The following CHRM5 variants were observed in gnomAD, a reference collection of about 807,000 sequenced individuals.
CHRM5 encodes the protein muscarinic acetylcholine receptor M5.
CHRM5 carries 18 observed loss-of-function variants against 39.0 expected under a neutral mutation model. The observed-to-expected ratio is 0.46, with a 90% CI of 0.32 to 0.68. The LOEUF (loss-of-function observed/expected upper bound fraction) is 0.68. Ranked by LOEUF, CHRM5 falls within the 30% of genes least tolerant of loss-of-function variation. CHRM5 has a pLI of 0.04. For synonymous variants in CHRM5, 241 were observed against 246.3 expected (o/e 0.98, Z 0.20); for missense variants, 515 against 651.1 (o/e 0.79, Z 2.28).
chr15:33,985,683 A>T (rs115834201), intron 1 of CHRM5, among the ~76,000 whole-genome samples: 118 of 152,190 alleles, frequency 7.8e-4, no homozygotes, highest in African/African-American at 2.8e-3. Flanking sequence ...GACATGATGC[A>T]TGATACACCT....
Position 33,968,811 on chromosome 15 carries a change from T to C in CHRM5, c.-747T>C, listed in dbSNP as rs548644772. 5.3e-5 allele frequency: 8 copies of C among 152,220 alleles called. 1 individual carries two copies. Among genetic ancestry groups the C allele is most frequent in the African/African-American group, 1.9e-4 (8 of 41,560 alleles). 9.4% of individuals were successfully genotyped at this position (152,220 alleles called of 1,614,324 possible). A position where few individuals can be genotyped will look rare whatever the true frequency, so the allele number is the denominator to read the frequency against. On this transcript the variant is annotated 5_prime_UTR_variant, in exon 1 of 3. Transcript: ENST00000383263. ...ACTTTTCCAGGGGGTCAAATGCATA[T>C]AGGAACAACCAGGATTTCTCATTGC...
chr15:34,038,890 G>A (rs1329664096), intron 1 of CHRM5: 6 of 1,134,562 alleles, frequency 5.3e-6, no homozygotes, highest in Non-Finnish European at 6.4e-6. Flanking sequence ...CCACGGCCAC[G>A]GCCCCGGCGT....
chr15:34,010,273 C>G (rs1180832587), intron 1 of CHRM5, among the ~76,000 whole-genome samples: 1 of 152,114 alleles, frequency 6.6e-6, no homozygotes, highest in Non-Finnish European at 1.5e-5. Context: ...CACCTATGAA[C>G]AGTATATTTG....
intron 1 of CHRM5, among the ~76,000 whole-genome samples, chr15:34,034,445 TTA>T (rs1899022458): frequency 1.2e-5 from 1 of 86,160 alleles, no homozygotes; most frequent in South Asian, 4.6e-4. Context: ...AGTTTCTTTT[TTA>T]AAAAAAAAAA....
chr15:34,050,342 TC>T (rs1899889610), intron 2 of CHRM5, among the ~76,000 whole-genome samples: 1 of 152,160 alleles, frequency 6.6e-6, no homozygotes, highest in African/African-American at 2.4e-5. Flanking sequence ...TCCTGAAGCT[TC>T]CATATTAAGC....
intron 1 of CHRM5, among the ~76,000 whole-genome samples, chr15:34,010,421 T>TTAA (rs1412423647): frequency 2.6e-5 from 4 of 152,156 alleles, no homozygotes; most frequent in Admixed American, 6.5e-5. Context: ...TCAGAAGTTA[T>TTAA]TAATACTAAT....
chr15:34,004,870 G>C (rs961359540), intron 1 of CHRM5, among the ~76,000 whole-genome samples: 1 of 151,662 alleles, frequency 6.6e-6, no homozygotes, highest in Non-Finnish European at 1.5e-5. Flanking sequence ...CTAAAGACAT[G>C]GTTCAAAGAT....
At chr15:33,993,830 A>T (rs552846304) in intron 1 of CHRM5, among the ~76,000 whole-genome samples, 4 of 11,926 alleles carry the variant, frequency 3.4e-4, no homozygotes, top group South Asian at 9.5e-3. Flanking sequence ...ATACATCCTT[A>T]AAAAATAGGG....
rs1214012533 is a variant in CHRM5 at position 34,063,784 on chromosome 15, A to G, written c.1067A>G (p.Tyr356Cys). Residue 356 changes from tyrosine to cysteine, a missense_variant, in exon 3 of 3, where the codon TAT (tyrosine) becomes TGT (cysteine). Coordinates refer to ENST00000383263, the MANE Select transcript of CHRM5 (RefSeq NM_012125.4). This position sits in a 1 kb window ranked among gnomAD's most constrained non-coding sequence, Gnocchi z 4.1. The stretch of plus-strand genomic sequence containing the variant: ...AAAGCTGAAACTGAAAAAAGTGACT[A>G]TGACACCCCAAACTACCTTCTGTCT... ...FVKAETEKSDYDTPNYLLSPA... is the reference protein window; with the variant it reads ...FVKAETEKSDCDTPNYLLSPA... 1 of 1,614,238 alleles carries G rather than the reference A, an allele frequency of 6.2e-7. No individual in the cohort carries two copies. Among genetic ancestry groups the G allele is most frequent in the Non-Finnish European group, 8.5e-7 (1 of 1,180,044 alleles).
intron 1 of CHRM5, among the ~76,000 whole-genome samples, chr15:34,039,810 A>G (rs1274193014): frequency 3.9e-5 from 6 of 152,232 alleles, no homozygotes; most frequent in African/African-American, 7.2e-5. Flanking sequence ...CTTATTCTGC[A>G]GTGAGGTAAC....
chr15:34,035,020 G>A (rs1899052326), intron 1 of CHRM5, among the ~76,000 whole-genome samples: 1 of 152,188 alleles, frequency 6.6e-6, no homozygotes, highest in African/African-American at 2.4e-5. Context: ...TTAGACACCT[G>A]CCTGTAACTG....
Position 33,992,389 on chromosome 15 carries a change from C to CA in CHRM5, c.-408+23248dup, listed in dbSNP as rs145900095. ...TGCGCGACAGATCAGGACTCCGTCT[C>CA]AAAAAAAAAGAAAAAAGAAAATCAA... On this transcript the variant is annotated intron_variant, in intron 1 of 2. Transcript: ENST00000383263. Among the ~76,000 whole-genome samples the CA allele has an allele frequency of 2.4e-4, 36 of 147,610 alleles. 2 individuals are homozygous for CA. Among genetic ancestry groups the CA allele is most frequent in the Middle Eastern group, 3.5e-3 (1 of 286 alleles).
At chr15:34,023,055 T>C (rs548336342) in intron 1 of CHRM5, among the ~76,000 whole-genome samples, 14 of 152,132 alleles carry the variant, frequency 9.2e-5, no homozygotes, top group Non-Finnish European at 2.1e-4. Flanking sequence ...GGCGTGGTGG[T>C]GTGCGCCTGT....
intron 1 of CHRM5, among the ~76,000 whole-genome samples, chr15:34,007,267 C>T (rs1052331485): frequency 2.0e-5 from 3 of 152,260 alleles, no homozygotes; most frequent in Admixed American, 6.5e-5. Flanking sequence ...TTTGACCTCA[C>T]CTGCTCTGCA....
chr15:34,049,940 T>C (rs1296412372), intron 2 of CHRM5, among the ~76,000 whole-genome samples: 1 of 149,344 alleles, frequency 6.7e-6, no homozygotes, highest in Non-Finnish European at 1.5e-5. Context: ...TAGGCTGGAG[T>C]GCAGTGGCAC....
At chr15:34,000,914 T>C (rs1017692165) in intron 1 of CHRM5, among the ~76,000 whole-genome samples, 5 of 151,558 alleles carry the variant, frequency 3.3e-5, no homozygotes, top group African/African-American at 1.2e-4. Flanking sequence ...ACAAGAAAAA[T>C]ACATGAGAGA....
chr15:33,969,740 T>C (rs1026657621), intron 1 of CHRM5, among the ~76,000 whole-genome samples: 1 of 152,046 alleles, frequency 6.6e-6, no homozygotes, highest in African/African-American at 2.4e-5. Context: ...TATAACAGAC[T>C]AAATGAAGAC....
chr15:33,974,405 C>T (rs1401312547), intron 1 of CHRM5, among the ~76,000 whole-genome samples: 1 of 152,190 alleles, frequency 6.6e-6, no homozygotes, highest in Non-Finnish European at 1.5e-5. Context: ...CTCCCCAAGT[C>T]ATCTCTTCTC....
intron 1 of CHRM5, among the ~76,000 whole-genome samples, 197 bp from the exon 2 acceptor site, chr15:34,046,343 G>GGAA (rs1555520151): frequency 7.1e-6 from 1 of 141,434 alleles, no homozygotes; most frequent in Non-Finnish European, 1.5e-5. Context: ...AGTGAGGCAG[G>GGAA]AAAAAAAAAA....
Sources: allele counts gnomAD v4.1 joint callset (sites outside exome capture counted in the v4.1 genomes callset), GRCh38; gene constraint gnomAD v4.1.1; non-coding constraint Gnocchi (gnomAD v3.1); transcripts MANE v1.5; gene names NCBI Gene and HGNC (gene_info 2026-07-23, HGNC 2026-07-21).